The following FHAD1 variants were observed in gnomAD, a reference collection of about 807,000 sequenced individuals.
The protein encoded by FHAD1 is forkhead-associated domain-containing protein 1.
In FHAD1, 146 loss-of-function variants were observed where a neutral mutation model predicts 191.3. That is an observed-to-expected ratio of 0.76 (90% CI 0.67 to 0.88). The LOEUF (loss-of-function observed/expected upper bound fraction) is 0.88, where lower values mean the gene tolerates loss of function less well. Ranked by LOEUF, FHAD1 falls within the 40% of genes least tolerant of loss-of-function variation. The pLI, the probability that FHAD1 is intolerant of heterozygous loss-of-function variation, is 0.00. For synonymous variants in FHAD1, 616 were observed against 672.3 expected (o/e 0.92, Z 1.29); for missense variants, 1,635 against 1,785.8 (o/e 0.92, Z 1.52).
At chr1:15,353,878 C>G (rs183834185) in intron 20 of FHAD1, among the ~76,000 whole-genome samples, 305 of 152,098 alleles carry the variant, frequency 2.0e-3, no homozygotes, top group African/African-American at 7.2e-3. Flanking sequence ...GAATTGTAAA[C>G]GCAGTAGGAA....
chr1:15,372,242 T>G (rs1698310499), intron 26 of FHAD1, among the ~76,000 whole-genome samples: 1 of 146,444 alleles, frequency 6.8e-6, no homozygotes. Flanking sequence ...GGGGTGGGGG[T>G]AGGGGACCGT....
intron 5 of FHAD1, among the ~76,000 whole-genome samples, chr1:15,297,584 A>G (rs943099828): frequency 2.0e-5 from 3 of 152,182 alleles, no homozygotes; most frequent in African/African-American, 7.2e-5. Flanking sequence ...TCTGTCAGTT[A>G]CCCACTGCTG....
intron 1 of FHAD1, among the ~76,000 whole-genome samples, chr1:15,247,753 C>T (rs1267780616): frequency 6.6e-6 from 1 of 152,168 alleles, no homozygotes; most frequent in Non-Finnish European, 1.5e-5. Flanking sequence ...CTTGCCTAAC[C>T]TCTCCCTTCC....
chr1:15,264,187 T>C (rs1652424308), intron 2 of FHAD1, among the ~76,000 whole-genome samples: 1 of 152,208 alleles, frequency 6.6e-6, no homozygotes, highest in Non-Finnish European at 1.5e-5. Flanking sequence ...ATTGGAATTT[T>C]GATAAAGATT....
chr1:15,365,792 G>C (rs1172971549), intron 23 of FHAD1, 35 bp from the exon 24 acceptor site: 3 of 1,386,782 alleles, frequency 2.2e-6, no homozygotes, highest in Non-Finnish European at 2.0e-6. Context: ...TGGAGTTTGA[G>C]TTGAACTGAC....
At chr1:15,292,068 T>C (rs1664966945) in intron 4 of FHAD1, among the ~76,000 whole-genome samples, 1 of 152,240 alleles carries the variant, frequency 6.6e-6, no homozygotes. Flanking sequence ...AATTTATATG[T>C]TGAAGTCCTA....
chr1:15,324,545 A>C lies in FHAD1; in HGVS notation c.1459A>C (p.Arg487=), dbSNP rs1028637908. ...GAGCGTCATTAAAATCAATTTGGAG[A>C]GGGCAGTAGGTCAGGTAGGCATGTT... ...RESVIKINLE[R]AVGQLEHFRS... The change falls in exon 11 of 34, where the codon AGG becomes CGG. Residue 487 remains arginine (R), a synonymous_variant. Coordinates refer to ENST00000688493, the MANE Select transcript of FHAD1 (RefSeq NM_001391957.1). 5 of 1,551,140 alleles carry C rather than the reference A, an allele frequency of 3.2e-6. No individual in the cohort carries two copies. Among genetic ancestry groups the C allele is most frequent in the African/African-American group, 1.4e-5 (1 of 72,986 alleles).
rs1314432625 is a variant in FHAD1, at chr1:15,327,863, A to C, written c.1558-414A>C. On this transcript the variant is annotated intron_variant, in intron 12 of 33. Transcript: ENST00000688493. This position sits in a 1 kb window ranked among gnomAD's most constrained non-coding sequence, Gnocchi z 5.1. Reference sequence around the variant, plus strand: ...AGCCTGACCAACATGGTAAAACCCCATCTCTATTAAAAATACAAAATTAGC... The same window carrying C: ...AGCCTGACCAACATGGTAAAACCCCCTCTCTATTAAAAATACAAAATTAGC... The C allele has an allele frequency of 1.3e-5, 2 of 152,370 alleles. No homozygotes were observed. The highest frequency in any genetic ancestry group is 4.8e-5 in the African/African-American group (2 of 41,368). 9.4% of individuals were successfully genotyped at this position (152,370 alleles called of 1,614,324 possible). A position where few individuals can be genotyped will look rare whatever the true frequency, so the allele number is the denominator to read the frequency against.
chr1:15,323,830 T>C (rs751997942), intron 10 of FHAD1, among the ~76,000 whole-genome samples: 2 of 152,214 alleles, frequency 1.3e-5, no homozygotes, highest in Non-Finnish European at 2.9e-5. Context: ...TTTTGCAGGC[T>C]ACAATTCTTT....
At chr1:15,258,896 C>T (rs1260999792) in intron 2 of FHAD1, among the ~76,000 whole-genome samples, 1 of 152,118 alleles carries the variant, frequency 6.6e-6, no homozygotes, top group Non-Finnish European at 1.5e-5. Flanking sequence ...CTCTTCAAGC[C>T]CCTGCTTTCA....
upstream of FHAD1, among the ~76,000 whole-genome samples, chr1:15,246,089 C>T (rs11812067): frequency 0.12 from 18,420 of 152,086 alleles, 2,572 homozygotes; most frequent in African/African-American, 0.33. Context: ...ACAGTTATGG[C>T]GGAAGGCCAA....
At chr1:15,385,182 A>G (rs1701837792) in intron 31 of FHAD1, among the ~76,000 whole-genome samples, 1 of 151,288 alleles carries the variant, frequency 6.6e-6, no homozygotes, top group Non-Finnish European at 1.5e-5. Flanking sequence ...CAGAGAAAAC[A>G]GTTTTTTTTC....
At chr1:15,363,011 C>T (rs774949571) in intron 23 of FHAD1, among the ~76,000 whole-genome samples, 5 of 152,244 alleles carry the variant, frequency 3.3e-5, no homozygotes, top group African/African-American at 4.8e-5. Flanking sequence ...GGTAGACCTA[C>T]ATTCAGATCC....
intron 3 of FHAD1, among the ~76,000 whole-genome samples, chr1:15,274,695 T>G (rs2101397240): frequency 6.6e-6 from 1 of 152,304 alleles, no homozygotes; most frequent in East Asian, 1.9e-4. Flanking sequence ...AATGGAATAA[T>G]GAGGAGGAGC....
intron 23 of FHAD1, among the ~76,000 whole-genome samples, chr1:15,365,604 C>T (rs1053691613): frequency 1.3e-5 from 2 of 151,178 alleles, no homozygotes; most frequent in Non-Finnish European, 2.9e-5. Flanking sequence ...ATTACAAGCA[C>T]ATGCCTGGTG....
chr1:15,342,783 C>A (rs1687269318), intron 16 of FHAD1, among the ~76,000 whole-genome samples: 1 of 151,912 alleles, frequency 6.6e-6, no homozygotes, highest in Non-Finnish European at 1.5e-5. Flanking sequence ...CCTCAGCCTC[C>A]CAAGTAGCTG....
intron 18 of FHAD1, among the ~76,000 whole-genome samples, chr1:15,346,121 T>C (rs977224983): frequency 6.6e-6 from 1 of 152,108 alleles, no homozygotes; most frequent in African/African-American, 2.4e-5. Flanking sequence ...GCCCGCACCC[T>C]GTGTCTGCTC....
intron 3 of FHAD1, among the ~76,000 whole-genome samples, chr1:15,279,554 CA>C (rs57662759): frequency 3.4e-3 from 331 of 96,896 alleles, no homozygotes; most frequent in Middle Eastern, 0.018. Flanking sequence ...CCTTAAAACT[CA>C]AAAAAAAAAA....
At position 15,312,465 on chromosome 1, in the gene FHAD1, C is replaced by T. The variant is rs1050635426; in HGVS notation, c.1040-592C>T. ...TGCTTCAGCCTGGGAGTTTGAGACC[C>T]GCCTGGGCAACATGGGCAAAACTCC... On this transcript the variant is annotated intron_variant, in intron 7 of 33. Transcript: ENST00000688493. The surrounding 1 kb of genome is among the most constrained non-coding windows in gnomAD (Gnocchi z 4.7). Among the ~76,000 whole-genome samples, 2 of 152,048 alleles carry T rather than the reference C, an allele frequency of 1.3e-5. No homozygotes were observed. Among genetic ancestry groups the T allele is most frequent in the Non-Finnish European group, 2.9e-5 (2 of 68,010 alleles).
Sources: allele counts gnomAD v4.1 joint callset (sites outside exome capture counted in the v4.1 genomes callset), GRCh38; gene constraint gnomAD v4.1.1; non-coding constraint Gnocchi (gnomAD v3.1); transcripts MANE v1.5; gene names NCBI Gene and HGNC (gene_info 2026-07-23, HGNC 2026-07-21).